AGFG1: variants seen among roughly 807,000 people sequenced by gnomAD.
The protein encoded by AGFG1 is arf-GAP domain and FG repeat-containing protein 1.
Under a neutral mutation model 60.6 loss-of-function variants are expected in AGFG1, and 10 were observed. That is an observed-to-expected ratio of 0.16 (90% CI 0.10 to 0.28). The LOEUF (loss-of-function observed/expected upper bound fraction) is 0.28, where lower values mean the gene tolerates loss of function less well. Ranked by LOEUF, AGFG1 falls within the 10% of genes least tolerant of loss-of-function variation. The pLI, the probability that AGFG1 is intolerant of heterozygous loss-of-function variation, is 1.00. For synonymous variants in AGFG1, 247 were observed against 242.9 expected (o/e 1.02, Z -0.16); for missense variants, 537 against 676.5 (o/e 0.79, Z 2.29).
intron 12 of AGFG1, among the ~76,000 whole-genome samples, 198 bp downstream of exon 12, chr2:227,553,993 G>A (rs1692897892): frequency 6.6e-6 from 1 of 152,102 alleles, no homozygotes; most frequent in East Asian, 1.9e-4. Flanking sequence ...GCAAATCAAA[G>A]CATTGATAGT....
At chr2:227,489,252 A>G (rs974501610) in intron 1 of AGFG1, among the ~76,000 whole-genome samples, 37 of 97,454 alleles carry the variant, frequency 3.8e-4, no homozygotes, top group Non-Finnish European at 5.5e-4. Flanking sequence ...TTTTTTTGAG[A>G]CGGAGTCTCA....
Position 227,552,003 on chromosome 2 carries a change from G to A in AGFG1, c.1423G>A (p.Gly475Ser), listed in dbSNP as rs776518517. Residue 475 changes from glycine to serine, a missense_variant, in exon 11 of 13, where the codon GGC (glycine) becomes AGC (serine). This residue lies in a region of AGFG1 where 287 missense variants were observed against 343.6 expected (regional missense o/e 0.84). Transcript: ENST00000310078. ...ATCCATGAGCATGCCCACAGGATTC[G>A]GCACTCCTGCTCCCTACAGTCTTCC... ...TASMSMPTGFGTPAPYSLPTS... is the reference protein window; with the variant it reads ...TASMSMPTGFSTPAPYSLPTS... 9 of 1,613,976 alleles carry A rather than the reference G, an allele frequency of 5.6e-6. No individual in the cohort carries two copies. The East Asian group carries it at 8.9e-5, about 16-fold the overall frequency.
intron 1 of AGFG1, among the ~76,000 whole-genome samples, chr2:227,487,539 A>G (rs947843988): frequency 1.3e-5 from 2 of 152,104 alleles, no homozygotes; most frequent in Admixed American, 6.5e-5. Context: ...AGTGTTTCTG[A>G]TGTTTTCCTA....
At chr2:227,478,125 G>A (rs77885776) in intron 1 of AGFG1, among the ~76,000 whole-genome samples, 5 of 124,300 alleles carry the variant, frequency 4.0e-5, no homozygotes, top group African/African-American at 8.8e-5. Flanking sequence ...ACCATGTGCC[G>A]TAATTCTCGT....
In AGFG1 at chr2:227,506,639, G is replaced by A. The variant is rs145479315; in HGVS notation, c.262-13309G>A. On this transcript the variant is annotated intron_variant, in intron 2 of 12. Transcript: ENST00000310078. Reference sequence around the variant, plus strand: ...TCTTCAGCTTGTTTGTGGTTGCTCTGTAGTGTCTTAATAGACTTTGTCCAG... The same window carrying A: ...TCTTCAGCTTGTTTGTGGTTGCTCTATAGTGTCTTAATAGACTTTGTCCAG... 2.3e-4 allele frequency among the ~76,000 whole-genome samples: 34 copies of A among 148,606 alleles called. No homozygotes were observed. The East Asian group carries it at 3.4e-3, about 15-fold the overall frequency.
chr2:227,553,934 C>A, intron 12 of AGFG1, 139 bp downstream of exon 12: 1 of 618,446 alleles, frequency 1.6e-6, no homozygotes. Flanking sequence ...TACAAATTGA[C>A]ACAGAGCCAT....
chr2:227,478,914 TACATG>T (rs1690371761), intron 1 of AGFG1, among the ~76,000 whole-genome samples: 1 of 152,252 alleles, frequency 6.6e-6, no homozygotes, highest in Admixed American at 6.5e-5. Flanking sequence ...ATACTTAGTT[TACATG>T]GAAATAATTC....
intron 1 of AGFG1, among the ~76,000 whole-genome samples, chr2:227,479,904 T>C (rs7587864): frequency 0.61 from 92,742 of 152,048 alleles, 28,312 homozygotes; most frequent in South Asian, 0.71. Context: ...AGGAAACTTA[T>C]TTGAGTTGTT....
chr2:227,472,952 G>C (rs1229829588), intron 1 of AGFG1, among the ~76,000 whole-genome samples: 2 of 151,628 alleles, frequency 1.3e-5, no homozygotes, highest in Admixed American at 1.3e-4. Flanking sequence ...CGGGGCGCCG[G>C]GCTGTGGGGG....
chr2:227,552,701 T>C (rs1412418056), intron 11 of AGFG1, among the ~76,000 whole-genome samples: 1 of 151,390 alleles, frequency 6.6e-6, no homozygotes, highest in East Asian at 1.9e-4. Context: ...TAAGTGGTTA[T>C]TTAAAAATCT....
intron 6 of AGFG1, among the ~76,000 whole-genome samples, chr2:227,532,372 G>A (rs571459466): frequency 6.6e-6 from 1 of 152,216 alleles, no homozygotes; most frequent in South Asian, 2.1e-4. Context: ...GAACACAATA[G>A]TAGACAATCA....
chr2:227,517,415 G>C (rs1421753409), intron 2 of AGFG1, among the ~76,000 whole-genome samples: 1 of 152,146 alleles, frequency 6.6e-6, no homozygotes, highest in Admixed American at 6.5e-5. Context: ...ACAGGCATGC[G>C]CCACCATGCC....
intron 1 of AGFG1, among the ~76,000 whole-genome samples, chr2:227,473,878 A>G (rs529436348): frequency 1.3e-5 from 2 of 152,246 alleles, no homozygotes; most frequent in African/African-American, 4.8e-5. Flanking sequence ...TTTGGTGCCT[A>G]TTAGGTTGTG....
At chr2:227,547,849 C>T (rs1692698809) in intron 10 of AGFG1, among the ~76,000 whole-genome samples, 1 of 151,908 alleles carries the variant, frequency 6.6e-6, no homozygotes, top group South Asian at 2.1e-4. Context: ...AGGAATATAC[C>T]AAAGAGGAAT....
At chr2:227,506,183 T>C (rs74708147) in intron 2 of AGFG1, among the ~76,000 whole-genome samples, 8,253 of 152,322 alleles carry the variant, frequency 0.054, 294 homozygotes, top group African/African-American at 0.09. Flanking sequence ...TTTGTATATG[T>C]AGTGCCTCTG....
At chr2:227,523,233 GTT>G (rs370743093) in intron 3 of AGFG1, among the ~76,000 whole-genome samples, 1 of 152,214 alleles carries the variant, frequency 6.6e-6, no homozygotes, top group East Asian at 1.9e-4. Context: ...GGTTAAAAGT[GTT>G]TTCATTTTTG....
chr2:227,539,919 TC>T (rs765771475), intron 10 of AGFG1, among the ~76,000 whole-genome samples: 11 of 152,168 alleles, frequency 7.2e-5, no homozygotes, highest in Admixed American at 3.3e-4. Flanking sequence ...CACTGCAGCC[TC>T]TACCTCCCGG....
At chr2:227,482,401 A>G (rs1690496433) in intron 1 of AGFG1, among the ~76,000 whole-genome samples, 1 of 152,238 alleles carries the variant, frequency 6.6e-6, no homozygotes, top group Non-Finnish European at 1.5e-5. Context: ...TGGACTAGCC[A>G]ACATATACGG....
chr2:227,501,806 T>TA (rs1295376227), intron 2 of AGFG1, among the ~76,000 whole-genome samples: 1 of 152,174 alleles, frequency 6.6e-6, no homozygotes, highest in African/African-American at 2.4e-5. Context: ...TTTGTTTTTT[T>TA]ATTCACATTC....
Sources: gnomAD v4.1 joint callset for allele counts (sites outside exome capture counted in the v4.1 genomes callset) on GRCh38, gnomAD v4.1.1 for gene constraint, gnomAD v4.1.1 regional missense constraint, MANE v1.5 for transcripts, NCBI Gene and HGNC (gene_info 2026-07-23, HGNC 2026-07-21) for gene names.